The following NBEA variants were observed in gnomAD, a reference collection of about 807,000 sequenced individuals.
NBEA encodes lysosomal-trafficking regulator 2.
A neutral mutation model predicts 343.4 loss-of-function variants in NBEA; 44 were observed. That is an observed-to-expected ratio of 0.13 (90% CI 0.10 to 0.16). The LOEUF is 0.16. Among genes scored for constraint, NBEA ranks in the 10% least tolerant of loss-of-function variants. The probability of loss-of-function intolerance (pLI) is 1.00; values close to 1 mark genes in which losing one functional copy is unlikely to be tolerated. For missense variants in NBEA, 2,555 were observed against 3,631.3 expected (o/e 0.70, Z 7.62); for synonymous variants, 1,175 against 1,238.7 (o/e 0.95, Z 1.08).
At chr13:34,946,128 A>G (rs1210810522) in intron 1 of NBEA, among the ~76,000 whole-genome samples, 2 of 152,154 alleles carry the variant, frequency 1.3e-5, no homozygotes, top group South Asian at 2.1e-4. Context: ...TAGTTTGTGA[A>G]TAAAGTTACA....
chr13:35,085,064 CA>C (rs1156389505), intron 10 of NBEA, among the ~76,000 whole-genome samples: 5 of 152,140 alleles, frequency 3.3e-5, no homozygotes, highest in African/African-American at 1.2e-4. Context: ...AGACCAATAA[CA>C]GGCTCTGAAA....
chr13:35,311,731 G>A (rs1051646728), intron 36 of NBEA, among the ~76,000 whole-genome samples: 13 of 152,046 alleles, frequency 8.6e-5, no homozygotes, highest in African/African-American at 2.4e-4. Context: ...GCAGGTGCCC[G>A]TAATCCCAGC....
chr13:35,085,690 T>A (rs532496889), intron 10 of NBEA, among the ~76,000 whole-genome samples: 33 of 152,194 alleles, frequency 2.2e-4, no homozygotes, highest in African/African-American at 7.5e-4. Context: ...AGATACCCTC[T>A]CTCACCACTC....
chr13:35,364,846 C>T (rs920215044), intron 38 of NBEA, among the ~76,000 whole-genome samples: 6 of 151,774 alleles, frequency 4.0e-5, no homozygotes, highest in African/African-American at 1.4e-4. Context: ...TTAAAAGAAT[C>T]CCATCTCAAA....
chr13:34,988,961 T>A (rs1308222652), intron 1 of NBEA, among the ~76,000 whole-genome samples: 1 of 151,082 alleles, frequency 6.6e-6, no homozygotes, highest in African/African-American at 2.4e-5. Flanking sequence ...GATACTGGAT[T>A]TAGGCCTTCT....
chr13:35,275,110 T>A (rs2034480565), intron 34 of NBEA, among the ~76,000 whole-genome samples: 1 of 152,142 alleles, frequency 6.6e-6, no homozygotes, highest in South Asian at 2.1e-4. Context: ...CAAACTATGC[T>A]ACAAGGCTAC....
intron 39 of NBEA, among the ~76,000 whole-genome samples, 187 bp downstream of exon 39, chr13:35,432,580 T>G (rs1010266268): frequency 3.3e-5 from 5 of 152,130 alleles, no homozygotes; most frequent in African/African-American, 1.2e-4. Flanking sequence ...TTTCTCAGAT[T>G]AGATATATTT....
In NBEA at chr13:35,469,169, G is replaced by C. The variant is rs184796836; in HGVS notation, c.6449-3231G>C. Among the ~76,000 whole-genome samples the C allele has an allele frequency of 2.7e-3, 398 of 148,034 alleles. 3 individuals carry two copies. Among genetic ancestry groups the C allele is most frequent in the African/African-American group, 9.2e-3 (368 of 40,174 alleles). The stretch of plus-strand genomic sequence containing the variant: ...ATGTCAGCATATTATTAAGATTTCT[G>C]TGCTTGAAATTTTTATTTTCATCAA... On this transcript the variant is annotated intron_variant, in intron 40 of 58. Transcript: ENST00000379939.
intron 21 of NBEA, 145 bp downstream of exon 21, chr13:35,157,415 C>T: frequency 1.6e-6 from 1 of 612,628 alleles, no homozygotes; most frequent in South Asian, 4.9e-5. Flanking sequence ...CCTCATTGTT[C>T]ATAGACTGTT....
chr13:35,199,105 T>C (rs1053006270), intron 31 of NBEA, among the ~76,000 whole-genome samples: 3 of 152,046 alleles, frequency 2.0e-5, no homozygotes, highest in Non-Finnish European at 4.4e-5. Context: ...AAATTTAACT[T>C]CAAACTCTGA....
At chr13:35,135,726 G>C (rs1290165579) in intron 17 of NBEA, among the ~76,000 whole-genome samples, 1 of 151,574 alleles carries the variant, frequency 6.6e-6, no homozygotes, top group Admixed American at 6.6e-5. Context: ...TTAAAGAAGG[G>C]GTGTAGAATA....
chr13:35,561,216 G>A (rs981815017), intron 44 of NBEA, among the ~76,000 whole-genome samples: 5 of 152,100 alleles, frequency 3.3e-5, no homozygotes, highest in African/African-American at 9.7e-5. Flanking sequence ...GTTTTGCTCA[G>A]TAAATACCCA....
intron 8 of NBEA, among the ~76,000 whole-genome samples, chr13:35,064,675 G>C (rs2063585892): frequency 6.6e-6 from 1 of 151,782 alleles, no homozygotes. Flanking sequence ...CTTTAAAGAG[G>C]TAATTAAGGT....
At chr13:35,625,623 T>C (rs908270256) in intron 48 of NBEA, among the ~76,000 whole-genome samples, 13 of 151,732 alleles carry the variant, frequency 8.6e-5, no homozygotes, top group Admixed American at 5.9e-4. Flanking sequence ...AGATCCTGTC[T>C]AAAAAATAAT....
At chr13:35,108,081 A>G (rs1392889954) in intron 11 of NBEA, among the ~76,000 whole-genome samples, 4 of 152,118 alleles carry the variant, frequency 2.6e-5, no homozygotes, top group African/African-American at 9.7e-5. Flanking sequence ...GCTAAATCAT[A>G]TGGGAGGTAA....
intron 40 of NBEA, among the ~76,000 whole-genome samples, chr13:35,455,014 C>T (rs2046495146): frequency 6.6e-6 from 1 of 151,804 alleles, no homozygotes; most frequent in South Asian, 2.1e-4. Context: ...AGATAAAAAT[C>T]ACAGGTTTAT....
At chr13:35,533,908 T>A (rs553768845) in intron 41 of NBEA, among the ~76,000 whole-genome samples, 1 of 152,260 alleles carries the variant, frequency 6.6e-6, no homozygotes, top group Non-Finnish European at 1.5e-5. Context: ...AGAAATAACC[T>A]CTATATATGG....
At chr13:35,130,021 A>G (rs1256656740) in intron 17 of NBEA, among the ~76,000 whole-genome samples, 1 of 152,144 alleles carries the variant, frequency 6.6e-6, no homozygotes, top group Non-Finnish European at 1.5e-5. Flanking sequence ...GTGATGATTT[A>G]CTTTTAAAAA....
intron 34 of NBEA, among the ~76,000 whole-genome samples, chr13:35,277,767 A>G (rs2034726394): frequency 6.6e-6 from 1 of 151,970 alleles, no homozygotes; most frequent in Non-Finnish European, 1.5e-5. Flanking sequence ...CTTGAAAAAA[A>G]TTTGAATAGA....
Sources: allele counts gnomAD v4.1 joint callset (sites outside exome capture counted in the v4.1 genomes callset), GRCh38; gene constraint gnomAD v4.1.1; transcripts MANE v1.5; gene names NCBI Gene and HGNC (gene_info 2026-07-23, HGNC 2026-07-21).